Variants in NHERF1 observed in about 807,000 individuals in gnomAD.
NHERF1 encodes Na(+)/H(+) exchange regulatory cofactor NHE-RF1.
At chr17:74,749,414 A>G in the NHERF1 span, 1 of 931,124 alleles carries the variant, frequency 1.1e-6, no homozygotes. This position sits in a 1 kb window ranked among gnomAD's most constrained non-coding sequence, Gnocchi z 5.6. Context: ...CGAGGGGGAG[A>G]CCGCTTCCGC....
the NHERF1 span, chr17:74,767,040 G>A: frequency 1.3e-6 from 2 of 1,506,546 alleles, no homozygotes; most frequent in East Asian, 4.5e-5. Flanking sequence ...AGATCAGAAG[G>A]TGCTGTGGTT....
the NHERF1 span, among the ~76,000 whole-genome samples, chr17:74,752,821 T>C: frequency 6.6e-6 from 1 of 152,230 alleles, no homozygotes; most frequent in African/African-American, 2.4e-5. Flanking sequence ...GTTTGTGACC[T>C]TTTTCTCCAC....
the NHERF1 span, among the ~76,000 whole-genome samples, chr17:74,767,271 C>G: frequency 2.2e-4 from 33 of 152,230 alleles, no homozygotes; most frequent in Non-Finnish European, 4.3e-4. Flanking sequence ...ATTCTTCCCC[C>G]CAAGAACAGA....
At chr17:74,754,205 G>C in the NHERF1 span, among the ~76,000 whole-genome samples, 1 of 151,816 alleles carries the variant, frequency 6.6e-6, no homozygotes, top group Admixed American at 6.6e-5. Context: ...CCGAGGTCTT[G>C]TTGGTGCTGC....
chr17:74,767,023 A>C, the NHERF1 span: 1 of 1,567,234 alleles, frequency 6.4e-7, no homozygotes. Context: ...CTTGGGGTGC[A>C]TGAGACAGAT....
the NHERF1 span, chr17:74,748,820 C>G: frequency 6.4e-7 from 1 of 1,569,198 alleles, no homozygotes; most frequent in Non-Finnish European, 8.6e-7. The surrounding 1 kb of genome is among the most constrained non-coding windows in gnomAD (Gnocchi z 4.3). Flanking sequence ...AACCCCAAGT[C>G]GCGCCGCTGA....
chr17:74,759,237 C>G, the NHERF1 span, among the ~76,000 whole-genome samples: 1 of 152,232 alleles, frequency 6.6e-6, no homozygotes, highest in African/African-American at 2.4e-5. Context: ...CTAGACAGAA[C>G]AGTGGAGCAG....
the NHERF1 span, among the ~76,000 whole-genome samples, chr17:74,750,157 G>A: frequency 6.6e-6 from 1 of 152,220 alleles, no homozygotes; most frequent in African/African-American, 2.4e-5. Flanking sequence ...CCTTGCCATG[G>A]TCACTCTGGT....
At chr17:74,760,129 G>C in the NHERF1 span, among the ~76,000 whole-genome samples, 2 of 152,324 alleles carry the variant, frequency 1.3e-5, no homozygotes, top group South Asian at 2.1e-4. This position sits in a 1 kb window ranked among gnomAD's most constrained non-coding sequence, Gnocchi z 4.5. Context: ...CCCGGGGGAG[G>C]GCCTGGCTGG....
the NHERF1 span, chr17:74,769,032 T>G: frequency 3.2e-4 from 76 of 239,780 alleles, no homozygotes; most frequent in African/African-American, 1.7e-3. Flanking sequence ...ATCAAAGAAC[T>G]CTGACTGCAG....
At chr17:74,763,684 G>A in the NHERF1 span, among the ~76,000 whole-genome samples, 2 of 152,260 alleles carry the variant, frequency 1.3e-5, no homozygotes, top group African/African-American at 4.8e-5. Flanking sequence ...TGGGCTGGGG[G>A]AGCGGGGGCC....
chr17:74,760,376 G>A, the NHERF1 span, among the ~76,000 whole-genome samples: 1 of 152,178 alleles, frequency 6.6e-6, no homozygotes, highest in East Asian at 1.9e-4. This position sits in a 1 kb window ranked among gnomAD's most constrained non-coding sequence, Gnocchi z 4.5. Flanking sequence ...TCACTTAACC[G>A]TCTTTGTTGT....
At chr17:74,763,636 G>C in the NHERF1 span, 1 of 1,049,796 alleles carries the variant, frequency 9.5e-7, no homozygotes, top group Non-Finnish European at 1.4e-6. Flanking sequence ...CCCGGCATGG[G>C]TGCTCCCTCC....
the NHERF1 span, among the ~76,000 whole-genome samples, chr17:74,752,363 C>G: frequency 6.6e-6 from 1 of 152,014 alleles, no homozygotes; most frequent in East Asian, 1.9e-4. Flanking sequence ...CTCCCTACCC[C>G]CAAAACCACA....
the NHERF1 span, among the ~76,000 whole-genome samples, chr17:74,751,304 AAAATGTT>A: frequency 6.6e-6 from 1 of 152,242 alleles, no homozygotes; most frequent in African/African-American, 2.4e-5. This position sits in a 1 kb window ranked among gnomAD's most constrained non-coding sequence, Gnocchi z 4.3. Flanking sequence ...GTTATTAGAA[AAAATGTT>A]AACAGACATT....
chr17:74,768,384 A>G, the NHERF1 span: 1 of 1,513,958 alleles, frequency 6.6e-7, no homozygotes, highest in Non-Finnish European at 9.2e-7. Flanking sequence ...CACGGCCCCA[A>G]CGGAGCCACC....
the NHERF1 span, among the ~76,000 whole-genome samples, chr17:74,761,043 A>C: frequency 6.6e-6 from 1 of 152,222 alleles, no homozygotes. This position sits in a 1 kb window ranked among gnomAD's most constrained non-coding sequence, Gnocchi z 4.3. Context: ...TCGGCTGCCT[A>C]CACCCATATT....
At chr17:74,768,709 C>A in the NHERF1 span, 1 of 1,531,768 alleles carries the variant, frequency 6.5e-7, no homozygotes, top group Non-Finnish European at 9.0e-7. Flanking sequence ...TTCCACCCCA[C>A]CTTTTTCCTT....
the NHERF1 span, among the ~76,000 whole-genome samples, chr17:74,760,910 AT>A: frequency 8.5e-5 from 13 of 152,164 alleles, no homozygotes; most frequent in African/African-American, 3.1e-4. This position sits in a 1 kb window ranked among gnomAD's most constrained non-coding sequence, Gnocchi z 4.5. Flanking sequence ...TCCACTGCTC[AT>A]TGTCTGATGT....
Sources: allele counts gnomAD v4.1 joint callset (sites outside exome capture counted in the v4.1 genomes callset), GRCh38; gene constraint gnomAD v4.1.1; non-coding constraint Gnocchi (gnomAD v3.1); transcripts MANE v1.5; gene names NCBI Gene and HGNC (gene_info 2026-07-23, HGNC 2026-07-21).